The following PLCXD3 variants were observed in gnomAD, a reference collection of about 807,000 sequenced individuals.
PLCXD3 encodes phosphatidylinositol specific phospholipase C X domain containing 3.
In PLCXD3, 19 loss-of-function variants were observed where a neutral mutation model predicts 25.5. The ratio of observed to expected loss-of-function variants is 0.75; its 90% CI spans 0.52 to 1.09. The LOEUF (loss-of-function observed/expected upper bound fraction) is 1.09, where lower values mean the gene tolerates loss of function less well. Ranked by LOEUF, PLCXD3 falls within the 50% of genes least tolerant of loss-of-function variation. PLCXD3 has a pLI of 0.00. For synonymous variants in PLCXD3, 174 were observed against 137.6 expected (o/e 1.26, Z -1.85); for missense variants, 411 against 388.1 (o/e 1.06, Z -0.50).
chr5:41,338,179 A>G (rs939778952), intron 2 of PLCXD3, among the ~76,000 whole-genome samples: 1 of 152,128 alleles, frequency 6.6e-6, no homozygotes, highest in Non-Finnish European at 1.5e-5. Flanking sequence ...TCTACAAAAA[A>G]TGTTTCCTGA....
intron 2 of PLCXD3, among the ~76,000 whole-genome samples, chr5:41,342,866 C>CAA (rs1483364948): frequency 6.6e-6 from 1 of 152,008 alleles, no homozygotes; most frequent in Non-Finnish European, 1.5e-5. Flanking sequence ...AAAATATAAA[C>CAA]AATGATGCCT....
In PLCXD3 at chr5:41,381,898, ACC is replaced by A; in HGVS notation, c.738_739del (p.Gln246HisfsTer8). ...AGTGCTAGCTTTGGGGGTCAGCACCACCTGAGATATAAAAAACGATCCCTTCT... is the reference window on the plus strand; with the variant it reads ...AGTGCTAGCTTTGGGGGTCAGCACCATGAGATATAAAAAACGATCCCTTCT... On this transcript the variant is annotated frameshift_variant, in exon 2 of 3. Transcript: ENST00000377801. LOFTEE classifies it high-confidence loss of function. The A allele has an allele frequency of 6.2e-7, 1 of 1,613,168 alleles. No homozygotes were observed. The highest frequency in any genetic ancestry group is 8.5e-7 in the Non-Finnish European group (1 of 1,179,656).
chr5:41,385,485 C>G (rs1745607479), intron 1 of PLCXD3, among the ~76,000 whole-genome samples: 1 of 152,082 alleles, frequency 6.6e-6, no homozygotes, highest in Non-Finnish European at 1.5e-5. Flanking sequence ...TAAATGTAAT[C>G]AGAGCAACTA....
At chr5:41,407,480 T>A (rs1193630993) in intron 1 of PLCXD3, among the ~76,000 whole-genome samples, 4 of 152,214 alleles carry the variant, frequency 2.6e-5, no homozygotes, top group Admixed American at 2.0e-4. Flanking sequence ...ACTTATCAGT[T>A]ATTTGGACTT....
intron 1 of PLCXD3, among the ~76,000 whole-genome samples, chr5:41,502,070 A>C (rs1374393148): frequency 6.6e-6 from 1 of 152,102 alleles, no homozygotes; most frequent in East Asian, 1.9e-4. Context: ...GATCCCATAG[A>C]GGTGGAGAAA....
intron 1 of PLCXD3, among the ~76,000 whole-genome samples, chr5:41,433,893 T>G (rs1184097661): frequency 6.6e-6 from 1 of 152,184 alleles, no homozygotes; most frequent in African/African-American, 2.4e-5. Flanking sequence ...CCCCCTCCTC[T>G]AATCTTGTTC....
intron 1 of PLCXD3, among the ~76,000 whole-genome samples, chr5:41,500,088 A>G (rs113886407): frequency 0.014 from 2,145 of 152,002 alleles, 54 homozygotes; most frequent in African/African-American, 0.048. Flanking sequence ...AATGAAAAGA[A>G]TTCAATACAT....
intron 1 of PLCXD3, among the ~76,000 whole-genome samples, chr5:41,492,019 C>T (rs2150525917): frequency 6.6e-6 from 1 of 152,356 alleles, no homozygotes; most frequent in South Asian, 2.1e-4. Context: ...GATGCACTTT[C>T]TTCCTAGCCT....
intron 1 of PLCXD3, among the ~76,000 whole-genome samples, chr5:41,509,213 C>T (rs1308568150): frequency 6.6e-6 from 1 of 151,964 alleles, no homozygotes; most frequent in Admixed American, 6.6e-5. Context: ...TGAGAGGGGG[C>T]GCTGGATGGG....
chr5:41,480,645 G>C (rs994464365), intron 1 of PLCXD3, among the ~76,000 whole-genome samples: 1 of 152,030 alleles, frequency 6.6e-6, no homozygotes, highest in Admixed American at 6.6e-5. Flanking sequence ...AGTGGGCCAG[G>C]AGCAGTGGCT....
chr5:41,462,824 A>C (rs1223715943), intron 1 of PLCXD3, among the ~76,000 whole-genome samples: 1 of 151,860 alleles, frequency 6.6e-6, no homozygotes. Context: ...AATGGGCCCA[A>C]CTTTGAAAAA....
At chr5:41,339,231 C>T (rs1379849235) in intron 2 of PLCXD3, among the ~76,000 whole-genome samples, 2 of 152,040 alleles carry the variant, frequency 1.3e-5, no homozygotes, top group Non-Finnish European at 2.9e-5. Flanking sequence ...TGAGATCCCA[C>T]CAGAACTGCA....
intron 1 of PLCXD3, among the ~76,000 whole-genome samples, chr5:41,415,372 G>A (rs1055496607): frequency 6.6e-6 from 1 of 152,234 alleles, no homozygotes; most frequent in African/African-American, 2.4e-5. Flanking sequence ...TCCCAGACTG[G>A]CAAATACTCT....
At chr5:41,362,608 A>G (rs1744818565) in intron 2 of PLCXD3, among the ~76,000 whole-genome samples, 1 of 152,202 alleles carries the variant, frequency 6.6e-6, no homozygotes, top group Non-Finnish European at 1.5e-5. Context: ...AGTTAAACAA[A>G]CTTCACCTTA....
chr5:41,384,923 A>G (rs1745588833), intron 1 of PLCXD3, among the ~76,000 whole-genome samples: 1 of 152,124 alleles, frequency 6.6e-6, no homozygotes, highest in South Asian at 2.1e-4. Flanking sequence ...CTCGTATAAA[A>G]TGGTGCTTCA....
At chr5:41,400,882 A>C (rs1418231281) in intron 1 of PLCXD3, among the ~76,000 whole-genome samples, 6 of 152,104 alleles carry the variant, frequency 3.9e-5, no homozygotes, top group Non-Finnish European at 8.8e-5. Context: ...TAACTGTTCG[A>C]GGGGAAGGAT....
rs2150464637 is a variant in PLCXD3 at position 41,308,350 on chromosome 5, A to C, written c.*5267T>G. 6.6e-6 allele frequency: 1 copy of C among 152,316 alleles called. No homozygotes were observed. Among genetic ancestry groups the C allele is most frequent in the South Asian group, 2.1e-4 (1 of 4,830 alleles). 9.4% of individuals were successfully genotyped at this position (152,316 alleles called of 1,614,324 possible). On this transcript the variant is annotated 3_prime_UTR_variant, in exon 3 of 3. Transcript: ENST00000377801. Reference sequence around the variant, plus strand: ...ATGCTAAAGAAATACTGTTTATCTGAAATTTAAATTTCACTGGATATCCTG... The same window carrying C: ...ATGCTAAAGAAATACTGTTTATCTGCAATTTAAATTTCACTGGATATCCTG...
intron 2 of PLCXD3, among the ~76,000 whole-genome samples, chr5:41,376,371 C>G (rs1441681403): frequency 1.3e-5 from 2 of 152,058 alleles, no homozygotes; most frequent in African/African-American, 4.8e-5. Flanking sequence ...CTCTTCCTTC[C>G]TTACTCAACC....
chr5:41,472,712 T>C (rs1432882191), intron 1 of PLCXD3, among the ~76,000 whole-genome samples: 12 of 152,202 alleles, frequency 7.9e-5, no homozygotes, highest in Non-Finnish European at 5.9e-5. Context: ...GAAGCAATGA[T>C]GGTTTGAAGG....
Sources: gnomAD v4.1 joint callset for allele counts (sites outside exome capture counted in the v4.1 genomes callset) on GRCh38, gnomAD v4.1.1 for gene constraint, MANE v1.5 for transcripts, NCBI Gene and HGNC (gene_info 2026-07-23, HGNC 2026-07-21) for gene names.